KHDRBS2: variants seen among roughly 807,000 people sequenced by gnomAD.
The protein encoded by KHDRBS2 is KH RNA binding domain containing, signal transduction associated 2, also known as KH domain-containing, RNA-binding, signal transduction-associated protein 2.
In KHDRBS2, 26 loss-of-function variants were observed where a neutral mutation model predicts 44.3. That is an observed-to-expected ratio of 0.59 (90% CI 0.43 to 0.81). The LOEUF (loss-of-function observed/expected upper bound fraction) is 0.81, where lower values mean the gene tolerates loss of function less well. Ranked by LOEUF, KHDRBS2 falls within the 40% of genes least tolerant of loss-of-function variation. The probability of loss-of-function intolerance (pLI) is 0.00; values close to 1 mark genes in which losing one functional copy is unlikely to be tolerated. For synonymous variants in KHDRBS2, 194 were observed against 151.1 expected (o/e 1.28, Z -2.08); for missense variants, 476 against 433.1 (o/e 1.10, Z -0.88).
At chr6:62,217,252 T>C (rs1308364086) in intron 1 of KHDRBS2, among the ~76,000 whole-genome samples, 2 of 151,596 alleles carry the variant, frequency 1.3e-5, no homozygotes, top group Admixed American at 6.6e-5. Context: ...TCTTTAACAA[T>C]CAATCAATCC....
intron 6 of KHDRBS2, among the ~76,000 whole-genome samples, chr6:61,733,858 G>GA (rs1562056712): frequency 6.6e-6 from 1 of 151,954 alleles, no homozygotes; most frequent in African/African-American, 2.4e-5. Flanking sequence ...CCTACTTCTG[G>GA]AAAAACCTTC....
chr6:61,790,818 T>C (rs1784529363), intron 6 of KHDRBS2, among the ~76,000 whole-genome samples: 1 of 151,524 alleles, frequency 6.6e-6, no homozygotes, highest in African/African-American at 2.4e-5. Flanking sequence ...TTCTATATTC[T>C]GGAATAGTTT....
At chr6:61,736,173 T>C (rs1349339310) in intron 6 of KHDRBS2, among the ~76,000 whole-genome samples, 1 of 149,530 alleles carries the variant, frequency 6.7e-6, no homozygotes, top group East Asian at 2.0e-4. Context: ...AATTTACTTT[T>C]TTGTCCTATA....
rs530976819 is a variant in KHDRBS2 at position 62,286,183 on chromosome 6, C to G, written c.-235G>C. The G allele has an allele frequency of 1.9e-5, 10 of 532,118 alleles. No individual in the cohort carries two copies. In the Admixed American group the frequency reaches 1.9e-4, roughly 10 times the overall value. 33.0% of individuals were successfully genotyped at this position (532,118 alleles called of 1,614,324 possible). On this transcript the variant is annotated 5_prime_UTR_variant, in exon 1 of 9. Coordinates refer to ENST00000281156, the MANE Select transcript of KHDRBS2 (RefSeq NM_152688.4). ...GTCGTCCCTCGCTCGCGCAGAGCCC[C>G]GGCTCACACCAGCGGCCTTAACTGG...
chr6:62,030,109 C>T (rs1015662199), intron 3 of KHDRBS2, among the ~76,000 whole-genome samples: 27 of 151,980 alleles, frequency 1.8e-4, no homozygotes, highest in African/African-American at 6.3e-4. Flanking sequence ...AAGAGATTCA[C>T]CAATAAAATG....
At chr6:62,121,906 C>T (rs1280611395) in intron 2 of KHDRBS2, among the ~76,000 whole-genome samples, 1 of 152,114 alleles carries the variant, frequency 6.6e-6, no homozygotes, top group Non-Finnish European at 1.5e-5. Context: ...AGAGGCCTGT[C>T]AAGATATGCC....
At chr6:61,621,858 C>G in the KHDRBS2 span, among the ~76,000 whole-genome samples, 1 of 152,096 alleles carries the variant, frequency 6.6e-6, no homozygotes, top group African/African-American at 2.4e-5. Context: ...AAGCAAATAG[C>G]CATCAATGAA....
intron 6 of KHDRBS2, among the ~76,000 whole-genome samples, chr6:61,791,161 C>A (rs1339356222): frequency 6.6e-6 from 1 of 151,074 alleles, no homozygotes; most frequent in African/African-American, 2.4e-5. Flanking sequence ...CAGAGGTTTG[C>A]GAAATTTATT....
chr6:62,031,679 T>C (rs1784363633), intron 3 of KHDRBS2, among the ~76,000 whole-genome samples: 1 of 151,948 alleles, frequency 6.6e-6, no homozygotes, highest in South Asian at 2.1e-4. Flanking sequence ...GGAGAAGAAA[T>C]GTGTCTTGTG....
At chr6:62,204,006 G>A (rs1162593296) in intron 1 of KHDRBS2, among the ~76,000 whole-genome samples, 2 of 152,030 alleles carry the variant, frequency 1.3e-5, no homozygotes, top group Non-Finnish European at 2.9e-5. Flanking sequence ...CCTCTGCTCC[G>A]CTTGCTTCTC....
chr6:61,906,842 G>A lies in KHDRBS2; in HGVS notation c.484-5471C>T, dbSNP rs557750676. The stretch of plus-strand genomic sequence containing the variant: ...ATTCCAAACATTGGCTATTGAGAAG[G>A]GTGCTGCGATAAACATGGGCGTGCA... On this transcript the variant is annotated intron_variant, in intron 4 of 8. Coordinates refer to ENST00000281156, the MANE Select transcript of KHDRBS2 (RefSeq NM_152688.4). Among the ~76,000 whole-genome samples, 6 of 151,710 alleles carry A rather than the reference G, an allele frequency of 4.0e-5. No individual in the cohort carries two copies. In the South Asian group the frequency reaches 1.3e-3, roughly 32 times the overall value.
the KHDRBS2 span, among the ~76,000 whole-genome samples, chr6:61,615,734 G>A: frequency 6.6e-6 from 1 of 152,124 alleles, no homozygotes; most frequent in Non-Finnish European, 1.5e-5. Flanking sequence ...TTTCAGATTA[G>A]GGATGCTCAA....
In KHDRBS2 at chr6:62,184,296, C is replaced by T. The variant is rs576840758; in HGVS notation, c.92-6984G>A. Among the ~76,000 whole-genome samples the T allele has an allele frequency of 2.6e-5, 4 of 151,550 alleles. No individual in the cohort carries two copies. In the South Asian group the frequency reaches 8.3e-4, roughly 31 times the overall value. On this transcript the variant is annotated intron_variant, in intron 1 of 8. Transcript: ENST00000281156. ...CACAGAATACAAGGAAACGACTTTG[C>T]ACAAATTTTACCTCTTTGATACTCA... is the stretch of plus-strand genomic sequence containing the variant.
At chr6:61,975,309 C>T (rs569507537) in intron 4 of KHDRBS2, among the ~76,000 whole-genome samples, 1 of 152,212 alleles carries the variant, frequency 6.6e-6, no homozygotes, top group African/African-American at 2.4e-5. Flanking sequence ...CCTATATAAG[C>T]CTTCTTTGTT....
At chr6:61,963,785 C>T (rs562807451) in intron 4 of KHDRBS2, among the ~76,000 whole-genome samples, 7 of 152,058 alleles carry the variant, frequency 4.6e-5, no homozygotes, top group South Asian at 2.1e-4. Context: ...CAATCATGTA[C>T]GTGGGCCTGA....
At chr6:61,821,351 T>C (rs1257565440) in intron 6 of KHDRBS2, among the ~76,000 whole-genome samples, 2 of 152,040 alleles carry the variant, frequency 1.3e-5, no homozygotes, top group African/African-American at 4.8e-5. Context: ...TTCAAGATAA[T>C]TTTTATATTT....
chr6:61,656,433 G>T, the KHDRBS2 span, among the ~76,000 whole-genome samples: 1 of 151,980 alleles, frequency 6.6e-6, no homozygotes, highest in Non-Finnish European at 1.5e-5. Context: ...TTGAGCCTAG[G>T]CAGTCTAACA....
chr6:61,754,565 C>CT (rs201477122), intron 6 of KHDRBS2, among the ~76,000 whole-genome samples: 18,626 of 133,028 alleles, frequency 0.14, 1,354 homozygotes, highest in East Asian at 0.23. Flanking sequence ...ATGTTTTATG[C>CT]TTTTTTTTTT....
At chr6:62,192,954 A>G (rs2150132545) in intron 1 of KHDRBS2, among the ~76,000 whole-genome samples, 1 of 152,232 alleles carries the variant, frequency 6.6e-6, no homozygotes, top group Admixed American at 6.5e-5. Context: ...CCAAACTTAC[A>G]TAATGCAAAT....
Sources: allele counts gnomAD v4.1 joint callset (sites outside exome capture counted in the v4.1 genomes callset), GRCh38; gene constraint gnomAD v4.1.1; transcripts MANE v1.5; gene names NCBI Gene and HGNC (gene_info 2026-07-23, HGNC 2026-07-21).